ZNF331: variants seen among roughly 807,000 people sequenced by gnomAD.
ZNF331 encodes C2H2-like zinc finger protein rearranged in thyroid adenomas.
In ZNF331, 2 loss-of-function variants were observed where a neutral mutation model predicts 7.0. That is an observed-to-expected ratio of 0.29 (90% CI 0.12 to 0.90). The LOEUF is 0.90. Ranked by LOEUF, ZNF331 falls within the 40% of genes least tolerant of loss-of-function variation. The probability of loss-of-function intolerance (pLI) is 0.58; values close to 1 mark genes in which losing one functional copy is unlikely to be tolerated. For missense variants in ZNF331, 432 were observed against 587.7 expected, an observed-to-expected ratio of 0.74 and a Z score of 2.74; for synonymous variants, 196 against 205.4, an observed-to-expected ratio of 0.95 and a Z score of 0.39.
upstream of ZNF331, among the ~76,000 whole-genome samples, chr19:53,535,182 G>C (rs1247701054): frequency 6.6e-6 from 1 of 151,652 alleles, no homozygotes; most frequent in African/African-American, 2.4e-5. Flanking sequence ...TGCAACCTCT[G>C]CCTCCCGGGT....
intron 3 of ZNF331, among the ~76,000 whole-genome samples, chr19:53,564,986 T>A (rs2090086348): frequency 6.6e-6 from 1 of 152,236 alleles, no homozygotes; most frequent in Admixed American, 6.5e-5. Context: ...CATATACTAC[T>A]ATAGCTATTT....
At chr19:53,530,214 G>C (rs973970104) in intron 2 of ZNF331, among the ~76,000 whole-genome samples, 41 of 152,130 alleles carry the variant, frequency 2.7e-4, no homozygotes, top group African/African-American at 8.9e-4. Context: ...GATTTTGCAA[G>C]AACTCACTCA....
chr19:53,528,028 G>A (rs759028111), intron 2 of ZNF331, among the ~76,000 whole-genome samples: 4 of 152,154 alleles, frequency 2.6e-5, no homozygotes, highest in Non-Finnish European at 4.4e-5. Flanking sequence ...AAATGACTAA[G>A]ATGGCAACAA....
At chr19:53,538,026 G>A (rs773104537), upstream of ZNF331, 3 of 152,310 alleles carry the variant, frequency 2.0e-5, no homozygotes, top group East Asian at 1.9e-4. Context: ...GTGCACATAC[G>A]TGTAGGGGTC....
chr19:53,504,456 C>G, the ZNF331 span, among the ~76,000 whole-genome samples: 3,742 of 151,196 alleles, frequency 0.025, 108 homozygotes, highest in African/African-American at 0.084. Context: ...CCTGATCCCC[C>G]CTCCACCCAC....
chr19:53,543,999 T>A (rs542987632), intron 2 of ZNF331, among the ~76,000 whole-genome samples: 7 of 152,040 alleles, frequency 4.6e-5, no homozygotes, highest in South Asian at 2.1e-4. Flanking sequence ...GAGGTCGAGG[T>A]GGGCAGATCA....
At chr19:53,557,197 A>G (rs545442219) in intron 3 of ZNF331, among the ~76,000 whole-genome samples, 17 of 151,750 alleles carry the variant, frequency 1.1e-4, no homozygotes, top group Non-Finnish European at 1.9e-4. Context: ...AGCTCAAGCA[A>G]TCCTCCCATT....
At chr19:53,527,232 T>G (rs571700919) in intron 2 of ZNF331, among the ~76,000 whole-genome samples, 1 of 152,208 alleles carries the variant, frequency 6.6e-6, no homozygotes, top group Admixed American at 6.6e-5. Context: ...AAAAAAATGA[T>G]TACTCAAGGT....
intron 2 of ZNF331, among the ~76,000 whole-genome samples, chr19:53,526,550 AT>A (rs35733725): frequency 0.32 from 48,601 of 150,072 alleles, 7,966 homozygotes; most frequent in Middle Eastern, 0.42. Flanking sequence ...TGGCGTAGAA[AT>A]TTTTTTTTTC....
chr19:53,562,891 G>A (rs2089964780), intron 3 of ZNF331, among the ~76,000 whole-genome samples: 1 of 151,802 alleles, frequency 6.6e-6, no homozygotes, highest in Non-Finnish European at 1.5e-5. Context: ...AGGAGACTGA[G>A]GCAGGAGAAT....
intron 2 of ZNF331, among the ~76,000 whole-genome samples, chr19:53,544,497 A>G (rs1003833910): frequency 2.7e-5 from 4 of 149,142 alleles, no homozygotes; most frequent in Admixed American, 6.7e-5. Flanking sequence ...GTGAGCCGAG[A>G]TCACGCCACT....
the ZNF331 span, among the ~76,000 whole-genome samples, chr19:53,506,073 T>C: frequency 4.4e-3 from 644 of 147,044 alleles, 7 homozygotes; most frequent in African/African-American, 0.015. Context: ...CAGTGGCTAG[T>C]GCCTGTAATC....
At chr19:53,554,722 G>T (rs2089260991) in intron 2 of ZNF331, 1 of 152,340 alleles carries the variant, frequency 6.6e-6, no homozygotes, top group Non-Finnish European at 1.5e-5. Flanking sequence ...GCTCCAAGGG[G>T]AGACGGGCAC....
chr19:53,573,530 C>T lies in ZNF331; in HGVS notation c.136+1800C>T, dbSNP rs10417487. On this transcript the variant is annotated intron_variant, in intron 5 of 5. Coordinates refer to ENST00000449416, the MANE Select transcript of ZNF331 (RefSeq NM_001079906.2). The surrounding 1 kb of genome is among the most constrained non-coding windows in gnomAD (Gnocchi z 4.2). ...TTACTCAGGCTGGAGTGCAGTGGCGCGATCACAGCTCACAGCAGCCTCAAC... is the reference window on the plus strand; with the variant it reads ...TTACTCAGGCTGGAGTGCAGTGGCGTGATCACAGCTCACAGCAGCCTCAAC... Among the ~76,000 whole-genome samples the T allele has an allele frequency of 0.61, 92,987 of 151,392 alleles. 28,609 individuals are homozygous for T. The highest frequency in any genetic ancestry group is 0.68 in the South Asian group (3,274 of 4,786).
At position 53,578,263 on chromosome 19, in the gene ZNF331, G is replaced by A; in HGVS notation, c.*311G>A. Reference sequence around the variant, plus strand: ...CCAGCATCACAGTGCCTGTGCCCAAGCAGTCCTCACTTTGCTTAACAGTGG... The same window carrying A: ...CCAGCATCACAGTGCCTGTGCCCAAACAGTCCTCACTTTGCTTAACAGTGG... On this transcript the variant is annotated 3_prime_UTR_variant, in exon 6 of 6. Coordinates refer to ENST00000449416, the MANE Select transcript of ZNF331 (RefSeq NM_001079906.2). 3.0e-6 allele frequency: 1 copy of A among 338,926 alleles called. No individual in the cohort carries two copies. The highest frequency in any genetic ancestry group is 5.5e-6 in the Non-Finnish European group (1 of 182,172). 21.0% of individuals were successfully genotyped at this position (338,926 alleles called of 1,614,324 possible). A position where few individuals can be genotyped will look rare whatever the true frequency, so the allele number is the denominator to read the frequency against.
intron 2 of ZNF331, among the ~76,000 whole-genome samples, chr19:53,549,521 A>C (rs1236769866): frequency 6.6e-6 from 1 of 152,138 alleles, no homozygotes; most frequent in African/African-American, 2.4e-5. Context: ...AGACAGGAAG[A>C]TGAAGAAACT....
At chr19:53,566,817 C>T (rs576907605) in intron 3 of ZNF331, among the ~76,000 whole-genome samples, 13 of 106,346 alleles carry the variant, frequency 1.2e-4, no homozygotes, top group Middle Eastern at 5.4e-3. Context: ...TAGAACTTCC[C>T]GGATTTTTTC....
chr19:53,569,977 C>T (rs555431721), intron 4 of ZNF331, among the ~76,000 whole-genome samples: 8 of 151,968 alleles, frequency 5.3e-5, no homozygotes, highest in Non-Finnish European at 1.2e-4. Context: ...AACAGGGGGC[C>T]GGGTGTGGTG....
intron 2 of ZNF331, among the ~76,000 whole-genome samples, chr19:53,542,777 A>T (rs2088266840): frequency 6.6e-6 from 1 of 152,162 alleles, no homozygotes; most frequent in Non-Finnish European, 1.5e-5. Context: ...TTTTTGGTTA[A>T]TATTGATTAC....
Sources: allele counts gnomAD v4.1 joint callset (sites outside exome capture counted in the v4.1 genomes callset), GRCh38; gene constraint gnomAD v4.1.1; non-coding constraint Gnocchi (gnomAD v3.1); transcripts MANE v1.5; gene names NCBI Gene and HGNC (gene_info 2026-07-23, HGNC 2026-07-21).